The following SH3PXD2B variants were observed in gnomAD, a reference collection of about 807,000 sequenced individuals.
SH3PXD2B encodes SH3 and PX domains 2B.
A neutral mutation model predicts 73.1 loss-of-function variants in SH3PXD2B; 37 were observed. The observed-to-expected ratio is 0.51, with a 90% confidence interval of 0.39 to 0.67. The LOEUF (loss-of-function observed/expected upper bound fraction) is 0.67. Ranked by LOEUF, SH3PXD2B falls within the 30% of genes least tolerant of loss-of-function variation. The probability of loss-of-function intolerance (pLI) is 0.00; values close to 1 mark genes in which losing one functional copy is unlikely to be tolerated. For missense variants in SH3PXD2B, 1,053 were observed against 1,197.8 expected (o/e 0.88, Z 1.78); for synonymous variants, 457 against 480.5 (o/e 0.95, Z 0.64).
Position 172,337,864 on chromosome 5 carries a change from T to C in SH3PXD2B, c.*505A>G. On this transcript the variant is annotated 3_prime_UTR_variant, in exon 13 of 13. Transcript: ENST00000311601. ...GGTAATGGAATGCATTTCTTCAGGA[T>C]GAAGTTCCTTCTGGTAGCAGGCAAT... is the stretch of plus-strand genomic sequence containing the variant. 9.9e-7 allele frequency: 1 copy of C among 1,007,448 alleles called. No homozygotes were observed. Among genetic ancestry groups the C allele is most frequent in the South Asian group, 4.2e-5 (1 of 23,770 alleles). The allele number at this position is 1,007,448 out of a possible 1,614,324, so 62.4% of individuals were successfully genotyped here.
intron 1 of SH3PXD2B, among the ~76,000 whole-genome samples, chr5:172,423,431 C>T (rs1399884288): frequency 6.6e-6 from 1 of 151,994 alleles, no homozygotes; most frequent in Non-Finnish European, 1.5e-5. Context: ...AGGCAGTGTC[C>T]CTGTCCTCCA....
rs1335777202 is a variant in SH3PXD2B at position 172,445,675 on chromosome 5, C to A, written c.75+8603G>T. Among the ~76,000 whole-genome samples the A allele has an allele frequency of 6.6e-6, 1 of 152,304 alleles. No homozygotes were observed. Among genetic ancestry groups the A allele is most frequent in the Non-Finnish European group, 1.5e-5 (1 of 68,028 alleles). ...CCAAATATTGCATGTTTATTTGAAACCGAAATTGAACTGGGCATTCTGCAT... is the reference window on the plus strand; with the variant it reads ...CCAAATATTGCATGTTTATTTGAAAACGAAATTGAACTGGGCATTCTGCAT... On this transcript the variant is annotated intron_variant, in intron 1 of 12. Coordinates refer to ENST00000311601, the MANE Select transcript of SH3PXD2B (RefSeq NM_001017995.3). The surrounding 1 kb of genome is among the most constrained non-coding windows in gnomAD (Gnocchi z 5.2).
rs1270994065 is a variant in SH3PXD2B, at chr5:172,337,177, C to A, written c.*1192G>T. 3 of 985,500 alleles carry A rather than the reference C, an allele frequency of 3.0e-6. No individual in the cohort carries two copies. The highest frequency in any genetic ancestry group is 1.7e-5 in the African/African-American group (1 of 57,370). 61.0% of individuals were successfully genotyped at this position (985,500 alleles called of 1,614,324 possible). A position where few individuals can be genotyped will look rare whatever the true frequency, so the allele number is the denominator to read the frequency against. ...GATGCAGCTGTTGAGTCCAGGGCAG[C>A]CTTTGGTATAGGCTGCTGTGGGCTG... On this transcript the variant is annotated 3_prime_UTR_variant, in exon 13 of 13. Coordinates refer to ENST00000311601, the MANE Select transcript of SH3PXD2B (RefSeq NM_001017995.3).
At position 172,339,107 on chromosome 5, in the gene SH3PXD2B, G is replaced by C. The variant is rs1581258746; in HGVS notation, c.1998C>G (p.Leu666=). The C allele has an allele frequency of 2.5e-6, 4 of 1,614,232 alleles. No homozygotes were observed. Among genetic ancestry groups the C allele is most frequent in the Non-Finnish European group, 3.4e-6 (4 of 1,180,040 alleles). ...ACTTGGCAGGCCTGAGCTTACTCCTGAGGTTGCAGATGTCGACTTGGTCTT... is the reference window on the plus strand; with the variant it reads ...ACTTGGCAGGCCTGAGCTTACTCCTCAGGTTGCAGATGTCGACTTGGTCTT... ...QGEDQVDICN[L]RSKLRPAKSQ... The change falls in exon 13 of 13, where the codon CTC becomes CTG. Residue 666 remains leucine (L), a synonymous_variant. Coordinates refer to ENST00000311601, the MANE Select transcript of SH3PXD2B (RefSeq NM_001017995.3). This position sits in a 1 kb window ranked among gnomAD's most constrained non-coding sequence, Gnocchi z 6.1.
chr5:172,357,498 G>A (rs181586277), intron 8 of SH3PXD2B, among the ~76,000 whole-genome samples: 46 of 152,032 alleles, frequency 3.0e-4, no homozygotes, highest in Admixed American at 9.8e-4. Flanking sequence ...ATGTGGTCTC[G>A]CTCCCATCTT....
intron 6 of SH3PXD2B, among the ~76,000 whole-genome samples, chr5:172,370,818 C>T (rs936398654): frequency 6.6e-6 from 1 of 152,166 alleles, no homozygotes; most frequent in African/African-American, 2.4e-5. Flanking sequence ...GGCTTCAGGA[C>T]GTTTAGTTGT....
chr5:172,442,565 C>T (rs1426725947), intron 1 of SH3PXD2B, among the ~76,000 whole-genome samples: 2 of 152,080 alleles, frequency 1.3e-5, no homozygotes, highest in East Asian at 1.9e-4. Context: ...ATATATAAAT[C>T]TTTGGGAGAA....
chr5:172,399,136 A>T (rs964718427), intron 3 of SH3PXD2B, among the ~76,000 whole-genome samples: 1 of 152,214 alleles, frequency 6.6e-6, no homozygotes, highest in Non-Finnish European at 1.5e-5. Context: ...AACATTCCAT[A>T]CTATGGCAAA....
In SH3PXD2B at chr5:172,342,482, C is replaced by T. The variant is rs566008068; in HGVS notation, c.1189-2566G>A. On this transcript the variant is annotated intron_variant, in intron 12 of 12. Coordinates refer to ENST00000311601, the MANE Select transcript of SH3PXD2B (RefSeq NM_001017995.3). ...GCCTCTCAGAAAAGAAACCCCTGGC[C>T]GGGCGCGGTGGCTCACACCTGTAAT... Among the ~76,000 whole-genome samples, 13 of 152,258 alleles carry T rather than the reference C, an allele frequency of 8.5e-5. No individual in the cohort carries two copies. In the South Asian group the frequency reaches 2.5e-3, roughly 29 times the overall value.
chr5:172,442,280 G>A (rs189184276), intron 1 of SH3PXD2B, among the ~76,000 whole-genome samples: 2 of 152,280 alleles, frequency 1.3e-5, no homozygotes, highest in African/African-American at 4.8e-5. Context: ...CAGAGATGAT[G>A]CTTTGGGCAT....
At chr5:172,442,924 G>A (rs1759579724) in intron 1 of SH3PXD2B, among the ~76,000 whole-genome samples, 1 of 152,144 alleles carries the variant, frequency 6.6e-6, no homozygotes, top group Non-Finnish European at 1.5e-5. Context: ...TGGCTCCCAA[G>A]TTCCACCTCT....
chr5:172,338,504 G>C lies in SH3PXD2B; in HGVS notation c.2601C>G (p.Thr867=), dbSNP rs372013791. The change falls in exon 13 of 13, where the codon ACC becomes ACG. Residue 867 remains threonine (T), a synonymous_variant. Transcript: ENST00000311601. The surrounding 1 kb of genome is among the most constrained non-coding windows in gnomAD (Gnocchi z 5.1). ...AVADFEGDKD[T]SSFQEGTVFE... ...ACACTGTCCCTTCCTGGAAGCTGCT[G>C]GTGTCTTTGTCTCCTTCAAAGTCGG... 1.4e-5 allele frequency: 23 copies of C among 1,614,188 alleles called. 2 individuals are homozygous for C. In the African/African-American group the frequency reaches 1.5e-4, roughly 10 times the overall value.
intron 4 of SH3PXD2B, among the ~76,000 whole-genome samples, chr5:172,385,135 T>G (rs1484844325): frequency 6.6e-6 from 1 of 152,166 alleles, no homozygotes; most frequent in African/African-American, 2.4e-5. Flanking sequence ...GATGAGCTGC[T>G]GTCTGCTCCC....
At chr5:172,361,604 A>G (rs1757405188) in intron 7 of SH3PXD2B, among the ~76,000 whole-genome samples, 2 of 152,216 alleles carry the variant, frequency 1.3e-5, no homozygotes, top group South Asian at 2.1e-4. Context: ...CACATCATAC[A>G]ATCTGCACAC....
At position 172,339,385 on chromosome 5, in the gene SH3PXD2B, C is replaced by A; in HGVS notation, c.1720G>T (p.Asp574Tyr). ...GGTTTGGGCTCTGGCCTCCTGCTGTCCCGGGCTGGAGGGATGTGTTTGGCT... is the reference window on the plus strand; with the variant it reads ...GGTTTGGGCTCTGGCCTCCTGCTGTACCGGGCTGGAGGGATGTGTTTGGCT... ...MPAKHIPPARDSRRPEPKPDK... is the reference protein window; with the variant it reads ...MPAKHIPPARYSRRPEPKPDK... The change falls in exon 13 of 13, where the codon GAC becomes TAC. Residue 574 changes from aspartate to tyrosine, a missense_variant. Asp to Tyr is a radical substitution (Grantham distance 160). Coordinates refer to ENST00000311601, the MANE Select transcript of SH3PXD2B (RefSeq NM_001017995.3). This position sits in a 1 kb window ranked among gnomAD's most constrained non-coding sequence, Gnocchi z 6.1. 6.2e-7 allele frequency: 1 copy of A among 1,614,196 alleles called. No individual in the cohort carries two copies. The highest frequency in any genetic ancestry group is 2.2e-5 in the East Asian group (1 of 44,862).
chr5:172,447,656 T>C (rs773304535), intron 1 of SH3PXD2B, among the ~76,000 whole-genome samples: 6 of 152,222 alleles, frequency 3.9e-5, no homozygotes, highest in Non-Finnish European at 7.3e-5. Context: ...AGCAGGGATT[T>C]GAACCCAAGC....
At chr5:172,415,598 A>G (rs778780546) in intron 2 of SH3PXD2B, among the ~76,000 whole-genome samples, 1 of 152,230 alleles carries the variant, frequency 6.6e-6, no homozygotes, top group Non-Finnish European at 1.5e-5. Flanking sequence ...GGACAGAATG[A>G]GATGGCATAT....
intron 5 of SH3PXD2B, among the ~76,000 whole-genome samples, chr5:172,377,374 C>G (rs1158136860): frequency 6.6e-6 from 1 of 152,190 alleles, no homozygotes; most frequent in African/African-American, 2.4e-5. Context: ...CCCTCAAGTT[C>G]ACCATCCCTA....
At chr5:172,451,142 G>A (rs1004564718) in intron 1 of SH3PXD2B, among the ~76,000 whole-genome samples, 2 of 152,242 alleles carry the variant, frequency 1.3e-5, no homozygotes, top group Non-Finnish European at 2.9e-5. Context: ...CATTTCAGAG[G>A]GAGCAGGTGG....
Sources: gnomAD v4.1 joint callset for allele counts (sites outside exome capture counted in the v4.1 genomes callset) on GRCh38, gnomAD v4.1.1 for gene constraint, Gnocchi (gnomAD v3.1) non-coding constraint, MANE v1.5 for transcripts, NCBI Gene and HGNC (gene_info 2026-07-23, HGNC 2026-07-21) for gene names.